ADCY2: variants seen among roughly 807,000 people sequenced by gnomAD.
ADCY2 encodes adenylate cyclase 2.
ADCY2 carries 31 observed loss-of-function variants against 125.2 expected under a neutral mutation model. The ratio of observed to expected loss-of-function variants is 0.25; its 90% CI spans 0.19 to 0.33. The LOEUF (loss-of-function observed/expected upper bound fraction) is 0.33. ADCY2 is among the 10% of genes least tolerant of loss of function. ADCY2 has a pLI of 1.00. For missense variants in ADCY2, 904 were observed against 1,418.2 expected (o/e 0.64, Z 5.82); for synonymous variants, 512 against 548.4 (o/e 0.93, Z 0.93).
intron 3 of ADCY2, among the ~76,000 whole-genome samples, chr5:7,582,793 A>G (rs1415222172): frequency 6.6e-6 from 1 of 152,160 alleles, no homozygotes; most frequent in African/African-American, 2.4e-5. Context: ...GTCAAATATT[A>G]AACACTTTTC....
chr5:7,475,153 C>T (rs972776038), intron 2 of ADCY2, among the ~76,000 whole-genome samples: 2 of 152,214 alleles, frequency 1.3e-5, no homozygotes, highest in South Asian at 4.1e-4. Flanking sequence ...TTCTCCAGCA[C>T]ATAGGTGAAG....
intron 4 of ADCY2, among the ~76,000 whole-genome samples, chr5:7,647,113 C>T (rs999126191): frequency 7.2e-5 from 11 of 152,150 alleles, no homozygotes; most frequent in Non-Finnish European, 1.5e-4. Flanking sequence ...TTTCCTTGTC[C>T]TTCTTCAGAG....
intron 2 of ADCY2, among the ~76,000 whole-genome samples, chr5:7,439,877 G>T (rs916975779): frequency 1.3e-5 from 2 of 148,650 alleles, no homozygotes; most frequent in Non-Finnish European, 3.0e-5. Flanking sequence ...CAGGTGGGAG[G>T]GAGTGAAGGA....
chr5:7,489,817 G>A (rs972464245), intron 2 of ADCY2, among the ~76,000 whole-genome samples: 1 of 151,304 alleles, frequency 6.6e-6, no homozygotes, highest in African/African-American at 2.4e-5. Context: ...CTGCTTCAGT[G>A]TGTGTGTGTG....
At chr5:7,538,855 CTTTTCTTTTCTTTTTTTTT>C (rs1370410784) in intron 3 of ADCY2, among the ~76,000 whole-genome samples, 2 of 136,040 alleles carry the variant, frequency 1.5e-5, no homozygotes, top group Non-Finnish European at 3.1e-5. Context: ...TTTTTCTTTT[CTTTTCTTTTCTTTTTTTTT>C]TTTTTTTGAG....
chr5:7,553,888 A>G (rs1241025369), intron 3 of ADCY2, among the ~76,000 whole-genome samples: 1 of 152,158 alleles, frequency 6.6e-6, no homozygotes, highest in Non-Finnish European at 1.5e-5. Flanking sequence ...AGCAACCTCT[A>G]TTTCCTTCTC....
At chr5:7,814,083 T>C (rs1745029343) in intron 22 of ADCY2, among the ~76,000 whole-genome samples, 1 of 152,162 alleles carries the variant, frequency 6.6e-6, no homozygotes, top group South Asian at 2.1e-4. Context: ...AGAAATGACA[T>C]TCTGAAATTC....
At chr5:7,499,412 C>A (rs1743465826) in intron 2 of ADCY2, among the ~76,000 whole-genome samples, 1 of 151,854 alleles carries the variant, frequency 6.6e-6, no homozygotes, top group African/African-American at 2.4e-5. Context: ...CAACTGTGTT[C>A]ACTTTGTAAA....
At chr5:7,455,886 T>C (rs2126428963) in intron 2 of ADCY2, among the ~76,000 whole-genome samples, 1 of 148,276 alleles carries the variant, frequency 6.7e-6, no homozygotes, top group South Asian at 2.1e-4. Context: ...GCATAACATA[T>C]TATAACAATG....
At chr5:7,572,654 A>AT (rs1469472932) in intron 3 of ADCY2, among the ~76,000 whole-genome samples, 1 of 151,992 alleles carries the variant, frequency 6.6e-6, no homozygotes, top group Non-Finnish European at 1.5e-5. Flanking sequence ...CCACTTGTCA[A>AT]TTTTTGCTTT....
At chr5:7,811,245 G>A (rs1744933238) in intron 22 of ADCY2, among the ~76,000 whole-genome samples, 1 of 152,162 alleles carries the variant, frequency 6.6e-6, no homozygotes, top group Admixed American at 6.5e-5. Context: ...GCTCACGCCT[G>A]TAATCCCAGC....
chr5:7,447,813 C>T (rs189434120), intron 2 of ADCY2, among the ~76,000 whole-genome samples: 24 of 152,228 alleles, frequency 1.6e-4, no homozygotes, highest in Middle Eastern at 3.4e-3. Context: ...GTTGGTTTAA[C>T]GGGGAGGCTG....
chr5:7,674,906 A>G (rs538511366), intron 4 of ADCY2, among the ~76,000 whole-genome samples: 1 of 152,348 alleles, frequency 6.6e-6, no homozygotes, highest in South Asian at 2.1e-4. Context: ...CTGTAATCCC[A>G]GCACTTTGGG....
At chr5:7,542,815 G>GT (rs1451730143) in intron 3 of ADCY2, among the ~76,000 whole-genome samples, 4 of 152,182 alleles carry the variant, frequency 2.6e-5, no homozygotes, top group African/African-American at 9.7e-5. Context: ...CTAGATAATT[G>GT]TTTGAGAATA....
At chr5:7,512,055 T>C (rs181692991) in intron 2 of ADCY2, among the ~76,000 whole-genome samples, 1 of 151,668 alleles carries the variant, frequency 6.6e-6, no homozygotes, top group Non-Finnish European at 1.5e-5. Flanking sequence ...ACCCCATCTC[T>C]ACTAAATATA....
intron 14 of ADCY2, among the ~76,000 whole-genome samples, chr5:7,743,084 A>G (rs909871765): frequency 6.6e-6 from 1 of 152,194 alleles, no homozygotes; most frequent in Non-Finnish European, 1.5e-5. Flanking sequence ...CTCAGTAGGC[A>G]TGTTTTTCAC....
chr5:7,654,183 G>C (rs989811661), intron 4 of ADCY2: 1 of 454,678 alleles, frequency 2.2e-6, no homozygotes, highest in Non-Finnish European at 4.4e-6. Context: ...CGCATCCAGC[G>C]AGAGGAAAGC....
intron 15 of ADCY2, among the ~76,000 whole-genome samples, chr5:7,744,723 C>A (rs1005010070): frequency 2.0e-5 from 3 of 152,136 alleles, no homozygotes; most frequent in African/African-American, 7.2e-5. Context: ...CTTCCTTGCC[C>A]CCATGGGCAT....
intron 22 of ADCY2, among the ~76,000 whole-genome samples, chr5:7,810,629 T>C (rs756436416): frequency 6.6e-6 from 1 of 151,946 alleles, no homozygotes; most frequent in Non-Finnish European, 1.5e-5. Context: ...ATCTACCTGA[T>C]GAGTGGGTTA....
Sources: gnomAD v4.1 joint callset for allele counts (sites outside exome capture counted in the v4.1 genomes callset) on GRCh38, gnomAD v4.1.1 for gene constraint, MANE v1.5 for transcripts, NCBI Gene and HGNC (gene_info 2026-07-23, HGNC 2026-07-21) for gene names.